PRDM16: variants seen among roughly 807,000 people sequenced by gnomAD.
PRDM16 encodes histone-lysine N-methyltransferase PRDM16.
PRDM16 carries 23 observed loss-of-function variants against 110.6 expected under a neutral mutation model. The observed-to-expected ratio is 0.21, with a 90% CI of 0.15 to 0.29. PRDM16 has a LOEUF of 0.29. PRDM16 is among the 10% of genes least tolerant of loss of function. The pLI, the probability that PRDM16 is intolerant of heterozygous loss-of-function variation, is 1.00. For missense variants in PRDM16, 1,615 were observed against 1,794.3 expected (o/e 0.90, Z 1.81); for synonymous variants, 799 against 781.8 (o/e 1.02, Z -0.37).
chr1:3,171,226 G>C (rs562037856), intron 1 of PRDM16, among the ~76,000 whole-genome samples: 90 of 152,266 alleles, frequency 5.9e-4, no homozygotes, highest in Non-Finnish European at 1.1e-3. Context: ...AGGAACTAAA[G>C]AGATAAATAA....
Position 3,425,280 on chromosome 1 carries a change from A to C in PRDM16, c.2940-301A>C. 1 of 229,580 alleles carries C rather than the reference A, an allele frequency of 4.4e-6. No homozygotes were observed. Among genetic ancestry groups the C allele is most frequent in the Non-Finnish European group, 8.6e-6 (1 of 115,884 alleles). 14.2% of individuals were successfully genotyped at this position (229,580 alleles called of 1,614,324 possible). On this transcript the variant is annotated intron_variant, in intron 12 of 16. Coordinates refer to ENST00000270722, the MANE Select transcript of PRDM16 (RefSeq NM_022114.4). This position sits in a 1 kb window ranked among gnomAD's most constrained non-coding sequence, Gnocchi z 6.9. ...TTTTTAGTAGAGACGGGGTTTCACC[A>C]TGTCAGCCAGGATGGTCTCGATCTC...
At chr1:3,106,624 T>C (rs1012178051) in intron 1 of PRDM16, among the ~76,000 whole-genome samples, 3 of 152,018 alleles carry the variant, frequency 2.0e-5, no homozygotes, top group Non-Finnish European at 2.9e-5. Flanking sequence ...TGGCAGGAAC[T>C]GGCAATGAAT....
intron 3 of PRDM16, among the ~76,000 whole-genome samples, chr1:3,266,734 G>A (rs1265874177): frequency 1.3e-5 from 2 of 151,904 alleles, no homozygotes; most frequent in South Asian, 2.1e-4. Context: ...GGAGTGCAAC[G>A]GCGCAATCTC....
chr1:3,189,652 G>C (rs1638248081), intron 2 of PRDM16, among the ~76,000 whole-genome samples: 2 of 152,230 alleles, frequency 1.3e-5, no homozygotes, highest in African/African-American at 4.8e-5. Flanking sequence ...TTTTAGTAAA[G>C]ATAACAAGCA....
At chr1:3,326,233 A>G (rs57942787) in intron 3 of PRDM16, among the ~76,000 whole-genome samples, 28,195 of 150,792 alleles carry the variant, frequency 0.19, 2,824 homozygotes, top group East Asian at 0.32. Flanking sequence ...TGGCTTCTAG[A>G]CACATCACCT....
Position 3,244,359 on chromosome 1 carries a change from A to G in PRDM16, c.438+222A>G, listed in dbSNP as rs187183378. 9.9e-4 allele frequency among the ~76,000 whole-genome samples: 151 copies of G among 152,182 alleles called. 1 individual carries two copies. Among genetic ancestry groups the G allele is most frequent in the African/African-American group, 3.4e-3 (141 of 41,556 alleles). ...GTGGGGGTCATGTCGCCGTAGGGTC[A>G]CAGGTACAGGGCCATCCGCCACTCT... On this transcript the variant is annotated intron_variant, in intron 3 of 16. Coordinates refer to ENST00000270722, the MANE Select transcript of PRDM16 (RefSeq NM_022114.4). The surrounding 1 kb of genome is among the most constrained non-coding windows in gnomAD (Gnocchi z 4.1).
Position 3,265,358 on chromosome 1 carries a change from A to G in PRDM16, c.438+21221A>G, listed in dbSNP as rs10909913. Among the ~76,000 whole-genome samples, 58,580 of 151,864 alleles carry G rather than the reference A, an allele frequency of 0.39. 16,554 individuals are homozygous for G. The highest frequency in any genetic ancestry group is 0.79 in the African/African-American group (32,822 of 41,380). ...ACAGGAGCTAGAGGGCTAAGCTGCTAGGCACAGCTCATGGGGAGGCCTGAC... is the reference window on the plus strand; with the variant it reads ...ACAGGAGCTAGAGGGCTAAGCTGCTGGGCACAGCTCATGGGGAGGCCTGAC... On this transcript the variant is annotated intron_variant, in intron 3 of 16. Coordinates refer to ENST00000270722, the MANE Select transcript of PRDM16 (RefSeq NM_022114.4). This position sits in a 1 kb window ranked among gnomAD's most constrained non-coding sequence, Gnocchi z 4.5.
intron 2 of PRDM16, among the ~76,000 whole-genome samples, chr1:3,202,610 G>A (rs958432600): frequency 2.0e-5 from 3 of 152,188 alleles, no homozygotes; most frequent in Non-Finnish European, 4.4e-5. Flanking sequence ...CCGTCTAAAG[G>A]TGAGGGATGG....
Position 3,412,234 on chromosome 1 carries a change from C to G in PRDM16, c.2037C>G (p.Asp679Glu), listed in dbSNP as rs770781991. ...YSQHSFFPPP[D>E]EQLLTATGAA... Reference sequence around the variant, plus strand: ...AGCACTCATTCTTCCCGCCACCCGACGAGCAGCTGCTGACTGCAACGGGCG... The same window carrying G: ...AGCACTCATTCTTCCCGCCACCCGAGGAGCAGCTGCTGACTGCAACGGGCG... The change falls in exon 9 of 17, where the codon GAC (aspartate) becomes GAG (glutamate). Residue 679 changes from aspartate to glutamate, a missense_variant. Physicochemically the swap from Asp to Glu is conservative, Grantham distance 45 (BLOSUM62 2). Transcript: ENST00000270722. 1 of 1,609,306 alleles carries G rather than the reference C, an allele frequency of 6.2e-7. No homozygotes were observed. Among genetic ancestry groups the G allele is most frequent in the South Asian group, 1.1e-5 (1 of 91,002 alleles).
intron 2 of PRDM16, among the ~76,000 whole-genome samples, chr1:3,210,006 A>G (rs1412384649): frequency 1.3e-5 from 2 of 152,222 alleles, no homozygotes; most frequent in African/African-American, 2.4e-5. Flanking sequence ...CATTAAAGCC[A>G]ATTTTCTTTC....
chr1:3,377,408 T>C (rs1422646188), intron 3 of PRDM16, among the ~76,000 whole-genome samples: 1 of 152,192 alleles, frequency 6.6e-6, no homozygotes, highest in African/African-American at 2.4e-5. Context: ...CCACTGAACC[T>C]GGAGGACCAG....
At position 3,376,939 on chromosome 1, in the gene PRDM16, T is replaced by G. The variant is rs139143717; in HGVS notation, c.439-8213T>G. On this transcript the variant is annotated intron_variant, in intron 3 of 16. Coordinates refer to ENST00000270722, the MANE Select transcript of PRDM16 (RefSeq NM_022114.4). ...TATTGGGCATCAGGATGGGGATTTA[T>G]GAGCTCACCTAGGCTCTGTGTTCAC... 2.8e-3 allele frequency among the ~76,000 whole-genome samples: 423 copies of G among 152,352 alleles called. 1 individual carries two copies. The highest frequency in any genetic ancestry group is 9.8e-3 in the African/African-American group (406 of 41,584).
intron 3 of PRDM16, among the ~76,000 whole-genome samples, chr1:3,260,114 A>T (rs1391582251): frequency 1.3e-5 from 2 of 152,164 alleles, no homozygotes; most frequent in Non-Finnish European, 2.9e-5. Flanking sequence ...TCTCAAAAAG[A>T]AACTCTTTGC....
chr1:3,092,546 C>T (rs984752867), intron 1 of PRDM16, among the ~76,000 whole-genome samples: 10 of 152,216 alleles, frequency 6.6e-5, no homozygotes, highest in Non-Finnish European at 1.3e-4. Flanking sequence ...TAGAAAACAT[C>T]CAGCACTCAC....
intron 10 of PRDM16, among the ~76,000 whole-genome samples, chr1:3,416,664 T>G (rs747190514): frequency 6.6e-5 from 10 of 152,154 alleles, no homozygotes; most frequent in Non-Finnish European, 1.2e-4. Flanking sequence ...CATCCCCTTC[T>G]CTGGGAGCTC....
chr1:3,237,558 T>G (rs1415881427), intron 2 of PRDM16, among the ~76,000 whole-genome samples: 2 of 152,324 alleles, frequency 1.3e-5, no homozygotes, highest in African/African-American at 4.8e-5. Flanking sequence ...CGTGGGGCAG[T>G]GTAGACCAAA....
Position 3,143,029 on chromosome 1 carries a change from T to C in PRDM16, c.38-43096T>C, listed in dbSNP as rs957642037. Among the ~76,000 whole-genome samples the C allele has an allele frequency of 2.0e-5, 3 of 152,232 alleles. No individual in the cohort carries two copies. Among genetic ancestry groups the C allele is most frequent in the African/African-American group, 4.8e-5 (2 of 41,470 alleles). On this transcript the variant is annotated intron_variant, in intron 1 of 16. Transcript: ENST00000270722. The surrounding 1 kb of genome is among the most constrained non-coding windows in gnomAD (Gnocchi z 4.5). ...GCTGGGATGCAGGATTCGGGCTGTG[T>C]TGCTGATGAGATCACATAGGGGCTG...
Position 3,437,035 on chromosome 1 carries a change from T to C in PRDM16, c.*3224T>C. 1 of 232,720 alleles carries C rather than the reference T, an allele frequency of 4.3e-6. No individual in the cohort carries two copies. The allele number at this position is 232,720 out of a possible 1,614,324, so 14.4% of individuals were successfully genotyped here. The stretch of plus-strand genomic sequence containing the variant: ...TCATCCCCAGGTTGGGCACGTGGGG[T>C]TCCTCCTCTGTGGGCCTGGCAGACC... On this transcript the variant is annotated 3_prime_UTR_variant, in exon 17 of 17. Transcript: ENST00000270722.
chr1:3,413,826 C>T (rs72851311), intron 9 of PRDM16, among the ~76,000 whole-genome samples: 32,027 of 152,146 alleles, frequency 0.21, 3,522 homozygotes, highest in East Asian at 0.31. Context: ...CTGCCCACGG[C>T]CTCTGTTTAC....
Sources: gnomAD v4.1 joint callset for allele counts (sites outside exome capture counted in the v4.1 genomes callset) on GRCh38, gnomAD v4.1.1 for gene constraint, Gnocchi (gnomAD v3.1) non-coding constraint, MANE v1.5 for transcripts, NCBI Gene and HGNC (gene_info 2026-07-23, HGNC 2026-07-21) for gene names.